TRPM3: variants seen among roughly 807,000 people sequenced by gnomAD.
The protein encoded by TRPM3 is transient receptor potential cation channel subfamily M member 3.
Under a neutral mutation model 181.2 loss-of-function variants are expected in TRPM3, and 77 were observed. The observed-to-expected ratio is 0.42, with a 90% CI of 0.35 to 0.51. The LOEUF is 0.51. Ranked by LOEUF, TRPM3 falls within the 20% of genes least tolerant of loss-of-function variation. The pLI is 0.01. For synonymous variants in TRPM3, 745 were observed against 796.4 expected (o/e 0.94, Z 1.09); for missense variants, 1,759 against 2,196.7 (o/e 0.80, Z 3.98).
chr9:70,698,328 G>C (rs1424798878), intron 8 of TRPM3, among the ~76,000 whole-genome samples: 1 of 152,104 alleles, frequency 6.6e-6, no homozygotes, highest in African/African-American at 2.4e-5. Flanking sequence ...TTGTATGTGA[G>C]TTTCCGTCCT....
At chr9:71,432,971 T>C (rs777522030) in intron 1 of TRPM3, among the ~76,000 whole-genome samples, 7 of 152,214 alleles carry the variant, frequency 4.6e-5, no homozygotes, top group Non-Finnish European at 5.9e-5. Context: ...GGAATAGTAA[T>C]ACTAATAATA....
At chr9:71,427,452 A>G (rs1020652275) in intron 1 of TRPM3, among the ~76,000 whole-genome samples, 1 of 152,182 alleles carries the variant, frequency 6.6e-6, no homozygotes, top group East Asian at 1.9e-4. Context: ...AACCACCATC[A>G]TAGATAATGG....
chr9:71,076,725 C>G (rs987533408), intron 1 of TRPM3, among the ~76,000 whole-genome samples: 5 of 152,176 alleles, frequency 3.3e-5, no homozygotes, highest in Non-Finnish European at 5.9e-5. Flanking sequence ...CTCAATATCA[C>G]AGCTCTTGAG....
At chr9:71,445,807 G>C (rs577090133) in intron 1 of TRPM3, among the ~76,000 whole-genome samples, 1 of 152,172 alleles carries the variant, frequency 6.6e-6, no homozygotes, top group African/African-American at 2.4e-5. Context: ...ACACACACAG[G>C]CTGGTATTCT....
At chr9:70,590,560 T>C (rs1437846519) in intron 22 of TRPM3, among the ~76,000 whole-genome samples, 2 of 152,130 alleles carry the variant, frequency 1.3e-5, no homozygotes, top group East Asian at 3.9e-4. Flanking sequence ...GCAAGAAAAA[T>C]ACCATGCAGA....
chr9:71,331,835 A>AC (rs2090172412), intron 1 of TRPM3, among the ~76,000 whole-genome samples: 10 of 90,718 alleles, frequency 1.1e-4, no homozygotes, highest in Non-Finnish European at 1.6e-4. Flanking sequence ...GGAAGAGGAG[A>AC]GGGAGGAGGA....
chr9:71,178,803 T>C (rs2077243208), intron 1 of TRPM3, among the ~76,000 whole-genome samples: 1 of 152,080 alleles, frequency 6.6e-6, no homozygotes, highest in Non-Finnish European at 1.5e-5. Context: ...CTTATCTATT[T>C]CAAAGTCATG....
At chr9:71,218,292 T>C (rs2080022669) in intron 1 of TRPM3, among the ~76,000 whole-genome samples, 1 of 152,214 alleles carries the variant, frequency 6.6e-6, no homozygotes, top group African/African-American at 2.4e-5. Context: ...CGCACTCTCA[T>C]GTAGCACTCA....
At chr9:71,077,716 G>A (rs781179688) in intron 1 of TRPM3, among the ~76,000 whole-genome samples, 10 of 151,974 alleles carry the variant, frequency 6.6e-5, no homozygotes, top group South Asian at 2.1e-4. Context: ...GGTAGAGACC[G>A]TGAAGACAGA....
intron 8 of TRPM3, among the ~76,000 whole-genome samples, chr9:70,693,533 G>A (rs1486339349): frequency 1.3e-5 from 2 of 151,914 alleles, no homozygotes; most frequent in African/African-American, 4.8e-5. Context: ...TATATTTTCT[G>A]TACTTCCCTT....
intron 14 of TRPM3, among the ~76,000 whole-genome samples, chr9:70,622,944 A>T (rs748492097): frequency 2.6e-5 from 4 of 151,904 alleles, no homozygotes; most frequent in South Asian, 2.1e-4. Context: ...GTATTTTTTT[A>T]AAAATTCTGT....
intron 1 of TRPM3, among the ~76,000 whole-genome samples, chr9:71,207,930 G>A (rs545786387): frequency 1.3e-5 from 2 of 152,180 alleles, no homozygotes; most frequent in South Asian, 2.1e-4. Flanking sequence ...ATTCTTTGAT[G>A]AGAGTGGTTT....
chr9:70,956,118 G>A (rs191898777), intron 1 of TRPM3, among the ~76,000 whole-genome samples: 83 of 152,184 alleles, frequency 5.5e-4, no homozygotes, highest in African/African-American at 1.8e-3. Context: ...CTAAATGTTT[G>A]TTTACTCAAA....
chr9:71,151,785 G>C (rs997123469), intron 1 of TRPM3, among the ~76,000 whole-genome samples: 6 of 152,020 alleles, frequency 3.9e-5, no homozygotes. Context: ...AAAAAGAATA[G>C]TCAATTCTAT....
chr9:71,229,793 G>A (rs2080929625), intron 1 of TRPM3, among the ~76,000 whole-genome samples: 1 of 152,030 alleles, frequency 6.6e-6, no homozygotes, highest in South Asian at 2.1e-4. Flanking sequence ...ATAAATGCTG[G>A]CTTGAATGTG....
intron 1 of TRPM3, among the ~76,000 whole-genome samples, chr9:71,075,316 A>C (rs754498425): frequency 3.3e-5 from 5 of 152,184 alleles, no homozygotes; most frequent in Non-Finnish European, 5.9e-5. Flanking sequence ...GTGAAATTTC[A>C]CATATTGAAG....
At chr9:71,428,839 T>A (rs1265772804) in intron 1 of TRPM3, among the ~76,000 whole-genome samples, 1 of 151,172 alleles carries the variant, frequency 6.6e-6, no homozygotes, top group Non-Finnish European at 1.5e-5. Context: ...TACCTTATAA[T>A]CATCAAGTTG....
At chr9:70,540,581 C>G (rs1328803014) in intron 25 of TRPM3, among the ~76,000 whole-genome samples, 2 of 152,176 alleles carry the variant, frequency 1.3e-5, no homozygotes, top group East Asian at 3.9e-4. Flanking sequence ...GTCCCTATAG[C>G]CCCAGCTACT....
chr9:71,143,787 C>T (rs1472378309), intron 1 of TRPM3, among the ~76,000 whole-genome samples: 3 of 152,150 alleles, frequency 2.0e-5, no homozygotes, highest in Non-Finnish European at 4.4e-5. Flanking sequence ...AATGGCTGAA[C>T]TAATTTACAC....
Sources: gnomAD v4.1 joint callset for allele counts (sites outside exome capture counted in the v4.1 genomes callset) on GRCh38, gnomAD v4.1.1 for gene constraint, MANE v1.5 for transcripts, NCBI Gene and HGNC (gene_info 2026-07-23, HGNC 2026-07-21) for gene names.